FER: variants seen among roughly 807,000 people sequenced by gnomAD.
FER encodes the protein FER tyrosine kinase.
FER carries 63 observed loss-of-function variants against 111.0 expected under a neutral mutation model. That is an observed-to-expected ratio of 0.57 (90% CI 0.46 to 0.70). The LOEUF (loss-of-function observed/expected upper bound fraction) is 0.70. Ranked by LOEUF, FER falls within the 30% of genes least tolerant of loss-of-function variation. The probability of loss-of-function intolerance (pLI) is 0.00; values close to 1 mark genes in which losing one functional copy is unlikely to be tolerated. For missense variants in FER, 914 were observed against 954.0 expected (o/e 0.96, Z 0.55); for synonymous variants, 327 against 313.9 (o/e 1.04, Z -0.44).
chr5:109,053,774 T>A (rs2149937208), intron 16 of FER, among the ~76,000 whole-genome samples: 1 of 146,144 alleles, frequency 6.8e-6, no homozygotes, highest in South Asian at 2.2e-4. Flanking sequence ...CACTGCAAGC[T>A]CCGCCTCCTG....
intron 2 of FER, among the ~76,000 whole-genome samples, chr5:108,771,631 G>A (rs1324590320): frequency 6.6e-6 from 1 of 152,084 alleles, no homozygotes; most frequent in Non-Finnish European, 1.5e-5. Flanking sequence ...AATGTTCAGT[G>A]CCACATCAAA....
intron 17 of FER, among the ~76,000 whole-genome samples, chr5:109,119,872 G>T (rs1750749637): frequency 6.6e-6 from 1 of 152,082 alleles, no homozygotes; most frequent in African/African-American, 2.4e-5. Flanking sequence ...CTGATGGTCA[G>T]TGATGTTGAG....
rs558436897 is a variant in FER at position 109,156,260 on chromosome 5, A to C, written c.2049-24487A>C. ...AGTATAATTAGACAGTAGTTGATAG[A>C]TTTGAAAGGCCTTAAGTTCATAAGG... is the stretch of plus-strand genomic sequence containing the variant. On this transcript the variant is annotated intron_variant, in intron 17 of 19. Coordinates refer to ENST00000281092, the MANE Select transcript of FER (RefSeq NM_005246.4). 5.2e-4 allele frequency among the ~76,000 whole-genome samples: 79 copies of C among 152,114 alleles called. No individual in the cohort carries two copies. The South Asian group carries it at 0.013, about 24-fold the overall frequency.
intron 1 of FER, among the ~76,000 whole-genome samples, chr5:108,751,915 T>C (rs1750552564): frequency 6.6e-6 from 1 of 152,160 alleles, no homozygotes; most frequent in African/African-American, 2.4e-5. Context: ...TTTTAAGTAT[T>C]TGAATCTTGC....
At chr5:108,965,961 A>G (rs978649650) in intron 13 of FER, among the ~76,000 whole-genome samples, 11 of 152,178 alleles carry the variant, frequency 7.2e-5, no homozygotes, top group Admixed American at 6.5e-5. Context: ...AAAGAACCCT[A>G]CCATGGTACA....
intron 3 of FER, among the ~76,000 whole-genome samples, chr5:108,829,437 A>G (rs1759806622): frequency 1.3e-5 from 2 of 152,348 alleles, no homozygotes; most frequent in South Asian, 4.1e-4. Context: ...CAGGAGTTTA[A>G]GACCACCCTG....
At chr5:108,769,791 T>C (rs1005364650) in intron 2 of FER, among the ~76,000 whole-genome samples, 1 of 152,196 alleles carries the variant, frequency 6.6e-6, no homozygotes, top group African/African-American at 2.4e-5. Flanking sequence ...TAGAAAACTA[T>C]CTTTCTTGTT....
Position 109,056,905 on chromosome 5 carries a change from C to T in FER, c.1924+9707C>T, listed in dbSNP as rs532571303. ...CCGGTTTATTCTTCTTTTTCAGATT[C>T]TTTTAGAAGTCCTTTGCATTTCCAT... On this transcript the variant is annotated intron_variant, in intron 16 of 19. Coordinates refer to ENST00000281092, the MANE Select transcript of FER (RefSeq NM_005246.4). Among the ~76,000 whole-genome samples, 32 of 152,154 alleles carry T rather than the reference C, an allele frequency of 2.1e-4. No individual in the cohort carries two copies. In the South Asian group the frequency reaches 3.3e-3, roughly 16 times the overall value.
chr5:108,791,463 A>AT (rs1316866308), intron 2 of FER, among the ~76,000 whole-genome samples: 1 of 151,176 alleles, frequency 6.6e-6, no homozygotes, highest in Non-Finnish European at 1.5e-5. Flanking sequence ...TCCTTTGTCC[A>AT]TTTTTTTGTT....
intron 11 of FER, among the ~76,000 whole-genome samples, 176 bp downstream of exon 11, chr5:108,946,398 A>G (rs72787100): frequency 0.13 from 20,437 of 151,824 alleles, 1,428 homozygotes; most frequent in Middle Eastern, 0.16. Flanking sequence ...TGTGCATATG[A>G]ATCTGTCTAT....
At chr5:109,020,674 TTGGCACA>T (rs1446894056) in intron 13 of FER, among the ~76,000 whole-genome samples, 1 of 152,010 alleles carries the variant, frequency 6.6e-6, no homozygotes, top group Admixed American at 6.6e-5. Context: ...TTGTGAACTT[TTGGCACA>T]CACTTCGCGG....
chr5:108,813,786 C>T (rs1284424911), intron 3 of FER, among the ~76,000 whole-genome samples: 1 of 152,108 alleles, frequency 6.6e-6, no homozygotes, highest in Non-Finnish European at 1.5e-5. Context: ...TCTTCCCTCA[C>T]TCCTCCTTTT....
chr5:108,957,598 T>C (rs1361062345), intron 12 of FER, among the ~76,000 whole-genome samples: 2 of 151,662 alleles, frequency 1.3e-5, no homozygotes, highest in Non-Finnish European at 3.0e-5. Flanking sequence ...ATCCCACTAC[T>C]GGGTATTTAT....
At chr5:108,993,664 TGAGGGAGAGGGA>T (rs1382617962) in intron 13 of FER, among the ~76,000 whole-genome samples, 1 of 109,858 alleles carries the variant, frequency 9.1e-6, no homozygotes, top group Non-Finnish European at 2.1e-5. Flanking sequence ...AGGGCGAGGG[TGAGGGAGAGGGA>T]GAGGGCTGTA....
intron 10 of FER, among the ~76,000 whole-genome samples, chr5:108,909,046 C>T (rs556558493): frequency 1.3e-4 from 20 of 152,242 alleles, no homozygotes; most frequent in African/African-American, 4.8e-4. Context: ...ACAAACAAAA[C>T]AATTATGTTT....
At chr5:109,182,631 C>G (rs1758401076) in intron 18 of FER, among the ~76,000 whole-genome samples, 1 of 152,170 alleles carries the variant, frequency 6.6e-6, no homozygotes, top group South Asian at 2.1e-4. Context: ...TTGCTCTTAA[C>G]TCTGCCAGAT....
chr5:108,842,029 C>T (rs887575508), intron 5 of FER, among the ~76,000 whole-genome samples: 1 of 152,084 alleles, frequency 6.6e-6, no homozygotes, highest in African/African-American at 2.4e-5. Flanking sequence ...TATATTATAG[C>T]TTTGATAATG....
chr5:108,822,721 T>TTATTTTATTTTATTTTATTTTATTA (rs1758995515), intron 3 of FER, among the ~76,000 whole-genome samples: 1 of 130,966 alleles, frequency 7.6e-6, no homozygotes, highest in Non-Finnish European at 1.6e-5. Flanking sequence ...TTATTTTATT[T>TTATTTTATTTTATTTTATTTTATTA]TATTTTATTT....
chr5:108,803,644 A>AT (rs111349692), intron 3 of FER, among the ~76,000 whole-genome samples: 29,373 of 145,022 alleles, frequency 0.2, 3,076 homozygotes, highest in African/African-American at 0.29. Context: ...GTAGGTTTGC[A>AT]TTTTTTTTTT....
Sources: allele counts gnomAD v4.1 joint callset (sites outside exome capture counted in the v4.1 genomes callset), GRCh38; gene constraint gnomAD v4.1.1; transcripts MANE v1.5; gene names NCBI Gene and HGNC (gene_info 2026-07-23, HGNC 2026-07-21).